The following OXR1 variants were observed in gnomAD, a reference collection of about 807,000 sequenced individuals.
OXR1 encodes the protein oxidation resistance protein 1.
Under a neutral mutation model 104.6 loss-of-function variants are expected in OXR1, and 41 were observed. That is an observed-to-expected ratio of 0.39 (90% CI 0.31 to 0.51). The LOEUF is 0.51. OXR1 is among the 20% of genes least tolerant of loss of function. The pLI, the probability that OXR1 is intolerant of heterozygous loss-of-function variation, is 0.77. For synonymous variants in OXR1, 348 were observed against 348.4 expected (o/e 1.00, Z 0.01); for missense variants, 955 against 1,031.9 (o/e 0.93, Z 1.02).
intron 2 of OXR1, chr8:106,447,935 T>TAGTAC: frequency 6.5e-7 from 1 of 1,533,880 alleles, no homozygotes; most frequent in Non-Finnish European, 8.7e-7. Context: ...ACGAGACATC[T>TAGTAC]AGTACGGGGC....
intron 14 of OXR1, 88 bp from the exon 15 acceptor site, chr8:106,742,134 G>A (rs903042054): frequency 6.5e-6 from 5 of 771,622 alleles, no homozygotes; most frequent in Non-Finnish European, 1.1e-5. Context: ...TCTATTTTTT[G>A]CATTTTATTT....
chr8:106,510,159 A>T, intron 2 of OXR1, among the ~76,000 whole-genome samples: 1 of 152,148 alleles, frequency 6.6e-6, no homozygotes, highest in East Asian at 1.9e-4. Flanking sequence ...CCAAATATCA[A>T]GTCTTTTTTT....
At chr8:106,542,535 A>G (rs1431838950) in intron 3 of OXR1, among the ~76,000 whole-genome samples, 3 of 152,182 alleles carry the variant, frequency 2.0e-5, no homozygotes, top group Admixed American at 6.5e-5. Context: ...AAAATTATAT[A>G]TATGCATATA....
intron 2 of OXR1, among the ~76,000 whole-genome samples, chr8:106,385,648 G>A (rs1376662765): frequency 6.6e-6 from 1 of 152,172 alleles, no homozygotes; most frequent in East Asian, 1.9e-4. Flanking sequence ...CACGCAGGTA[G>A]TGAGTGTCTA....
intron 2 of OXR1, among the ~76,000 whole-genome samples, chr8:106,512,446 TAGA>T (rs1376011934): frequency 7.3e-6 from 1 of 136,706 alleles, no homozygotes; most frequent in African/African-American, 2.4e-5. Context: ...AATAAGTGGA[TAGA>T]AGAAGATCTG....
intron 2 of OXR1, among the ~76,000 whole-genome samples, chr8:106,510,115 T>C (rs1254437237): frequency 6.6e-6 from 1 of 152,238 alleles, no homozygotes; most frequent in Non-Finnish European, 1.5e-5. Context: ...GGCTATGTTA[T>C]GTGGATGCAT....
intron 1 of OXR1, among the ~76,000 whole-genome samples, chr8:106,357,997 C>T (rs1586562335): frequency 6.6e-6 from 1 of 152,148 alleles, no homozygotes; most frequent in South Asian, 2.1e-4. Flanking sequence ...ATAATGGCTG[C>T]ATTTTCCAAT....
At chr8:106,570,298 T>G (rs1817382684) in intron 3 of OXR1, among the ~76,000 whole-genome samples, 1 of 152,216 alleles carries the variant, frequency 6.6e-6, no homozygotes, top group Non-Finnish European at 1.5e-5. Context: ...CTTTGTATTT[T>G]CTGTATTGCA....
chr8:106,691,987 A>G (rs1318877318), intron 6 of OXR1, among the ~76,000 whole-genome samples: 1 of 134,900 alleles, frequency 7.4e-6, no homozygotes, highest in Non-Finnish European at 1.6e-5. Flanking sequence ...CTATATATAT[A>G]CACACACACA....
intron 4 of OXR1, among the ~76,000 whole-genome samples, chr8:106,681,665 C>T (rs1828165347): frequency 6.6e-6 from 1 of 152,112 alleles, no homozygotes; most frequent in Admixed American, 6.6e-5. Context: ...GCTGGGACTA[C>T]AGGCATGCAT....
chr8:106,591,195 C>A (rs868388515), intron 3 of OXR1, among the ~76,000 whole-genome samples: 13 of 147,206 alleles, frequency 8.8e-5, no homozygotes, highest in Admixed American at 7.6e-4. Flanking sequence ...GGACAAAAAA[C>A]CAAACACCAC....
At chr8:106,493,956 C>T (rs967033908) in intron 2 of OXR1, among the ~76,000 whole-genome samples, 2 of 152,164 alleles carry the variant, frequency 1.3e-5, no homozygotes, top group Admixed American at 1.3e-4. Flanking sequence ...TATTCAACCA[C>T]CCTAAGCCTC....
intron 2 of OXR1, among the ~76,000 whole-genome samples, chr8:106,377,378 G>A (rs1816952370): frequency 6.6e-6 from 1 of 151,636 alleles, no homozygotes; most frequent in African/African-American, 2.4e-5. Flanking sequence ...TAGAGATGAG[G>A]TCTCACTTTG....
intron 1 of OXR1, among the ~76,000 whole-genome samples, chr8:106,279,735 TAAAAC>T (rs766289163): frequency 1.6e-4 from 24 of 152,130 alleles, no homozygotes; most frequent in African/African-American, 3.1e-4. Context: ...AGGTAAATCT[TAAAAC>T]AAAACAGAAC....
At chr8:106,690,575 A>G (rs1275431244) in intron 6 of OXR1, among the ~76,000 whole-genome samples, 2 of 150,718 alleles carry the variant, frequency 1.3e-5, no homozygotes, top group South Asian at 4.2e-4. Context: ...ACTAGATGAG[A>G]GTTTTTTTTT....
At chr8:106,459,273 G>A (rs531330262) in intron 2 of OXR1, among the ~76,000 whole-genome samples, 12 of 151,978 alleles carry the variant, frequency 7.9e-5, no homozygotes, top group African/African-American at 2.7e-4. Flanking sequence ...TGCGTTATTG[G>A]GTGCCTGATG....
At chr8:106,591,090 C>T (rs889137463) in intron 3 of OXR1, among the ~76,000 whole-genome samples, 16 of 151,546 alleles carry the variant, frequency 1.1e-4, no homozygotes, top group Non-Finnish European at 1.8e-4. Context: ...ATTTACACCA[C>T]GGAATACTAT....
At chr8:106,721,800 C>T (rs1832844705) in intron 11 of OXR1, among the ~76,000 whole-genome samples, 1 of 152,116 alleles carries the variant, frequency 6.6e-6, no homozygotes, top group South Asian at 2.1e-4. Context: ...TTAGTGCTGT[C>T]CCTTTTAGTT....
intron 1 of OXR1, among the ~76,000 whole-genome samples, chr8:106,277,768 G>T (rs538904187): frequency 6.6e-6 from 1 of 152,180 alleles, no homozygotes; most frequent in Non-Finnish European, 1.5e-5. Context: ...ATGTTCCCAG[G>T]TTCAAACCTA....
Sources: gnomAD v4.1 joint callset for allele counts (sites outside exome capture counted in the v4.1 genomes callset) on GRCh38, gnomAD v4.1.1 for gene constraint, MANE v1.5 for transcripts, NCBI Gene and HGNC (gene_info 2026-07-23, HGNC 2026-07-21) for gene names.